The following FBXW7 variants were observed in gnomAD, a reference collection of about 807,000 sequenced individuals.
The protein encoded by FBXW7 is F-box and WD repeat domain containing 7.
A neutral mutation model predicts 86.3 loss-of-function variants in FBXW7; 11 were observed. That is an observed-to-expected ratio of 0.13 (90% CI 0.08 to 0.21). The LOEUF (loss-of-function observed/expected upper bound fraction) is 0.21, where lower values mean the gene tolerates loss of function less well. FBXW7 is among the 10% of genes least tolerant of loss of function. The pLI, the probability that FBXW7 is intolerant of heterozygous loss-of-function variation, is 1.00. For synonymous variants in FBXW7, 313 were observed against 297.9 expected (o/e 1.05, Z -0.52); for missense variants, 488 against 847.4 (o/e 0.58, Z 5.27).
intron 7 of FBXW7, 37 bp downstream of exon 7, chr4:152,337,765 A>G (rs1270004269): frequency 2.5e-6 from 4 of 1,582,650 alleles, no homozygotes; most frequent in Non-Finnish European, 3.4e-6. Context: ...ATATATTCAA[A>G]TAACACCCAA....
chr4:152,373,766 TG>T (rs1231753623), intron 4 of FBXW7, among the ~76,000 whole-genome samples: 1 of 152,082 alleles, frequency 6.6e-6, no homozygotes, highest in Admixed American at 6.6e-5. Context: ...GTTATTATTT[TG>T]TACTATAATG....
At chr4:152,328,750 T>C (rs1156472958) in intron 10 of FBXW7, 1 of 159,428 alleles carries the variant, frequency 6.3e-6, no homozygotes, top group African/African-American at 2.4e-5. Context: ...GGGAATAGAT[T>C]CAATGAAAGT....
intron 8 of FBXW7, 108 bp downstream of exon 8, chr4:152,332,488 G>A (rs1348934503): frequency 8.8e-7 from 1 of 1,142,376 alleles, no homozygotes; most frequent in African/African-American, 1.6e-5. Flanking sequence ...ATAATCTGTG[G>A]ATTTTATCAT....
At chr4:152,324,573 T>G (rs942769317) in intron 12 of FBXW7, 179 bp from the exon 13 acceptor site, 2 of 576,424 alleles carry the variant, frequency 3.5e-6, no homozygotes, top group Non-Finnish European at 6.2e-6. Flanking sequence ...AACTCTACAA[T>G]GTATGTTCTC....
chr4:152,332,760 A>C, intron 7 of FBXW7, 41 bp from the exon 8 acceptor site: 1 of 929,392 alleles, frequency 1.1e-6, no homozygotes, highest in Non-Finnish European at 1.4e-6. Context: ...TATTTAAATA[A>C]ATATATATAT....
At position 152,535,666 on chromosome 4, in the gene FBXW7, C is replaced by T; in HGVS notation, c.-752G>A. The T allele has an allele frequency of 2.5e-6, 1 of 396,506 alleles. No homozygotes were observed. The highest frequency in any genetic ancestry group is 1.3e-4 in the South Asian group (1 of 7,890). 24.6% of individuals were successfully genotyped at this position (396,506 alleles called of 1,614,324 possible). A position where few individuals can be genotyped will look rare whatever the true frequency, so the allele number is the denominator to read the frequency against. On this transcript the variant is annotated 5_prime_UTR_variant, in exon 1 of 14. Coordinates refer to ENST00000281708, the MANE Select transcript of FBXW7 (RefSeq NM_001349798.2). Reference sequence around the variant, plus strand: ...GCATGTGTCGCTGCGGCTGGGACCCCCCTCCCTACACCTTGGGGGTCTCGC... The same window carrying T: ...GCATGTGTCGCTGCGGCTGGGACCCTCCTCCCTACACCTTGGGGGTCTCGC...
Position 152,511,551 on chromosome 4 carries a change from T to C in FBXW7, c.-120+23390A>G, listed in dbSNP as rs148186053. 1.3e-3 allele frequency among the ~76,000 whole-genome samples: 205 copies of C among 152,320 alleles called. 1 individual carries two copies. The highest frequency in any genetic ancestry group is 4.6e-3 in the African/African-American group (193 of 41,568). On this transcript the variant is annotated intron_variant, in intron 2 of 13. Coordinates refer to ENST00000281708, the MANE Select transcript of FBXW7 (RefSeq NM_001349798.2). Reference sequence around the variant, plus strand: ...TATCCTGCAGAAATATTGGCATACATATGAAATGATACATGTACAAACTTA... The same window carrying C: ...TATCCTGCAGAAATATTGGCATACACATGAAATGATACATGTACAAACTTA...
At chr4:152,457,505 G>A (rs977572186) in intron 2 of FBXW7, among the ~76,000 whole-genome samples, 15 of 152,102 alleles carry the variant, frequency 9.9e-5, no homozygotes, top group African/African-American at 1.9e-4. Context: ...TTAGCTGGGC[G>A]TGGTGGCAGG....
chr4:152,330,950 A>G, intron 8 of FBXW7, 82 bp from the exon 9 acceptor site: 1 of 1,391,868 alleles, frequency 7.2e-7, no homozygotes, highest in Non-Finnish European at 9.8e-7. Flanking sequence ...ATCTTTATAA[A>G]GAGTATTCCA....
chr4:152,533,744 T>C (rs1750217419), intron 2 of FBXW7, among the ~76,000 whole-genome samples: 3 of 152,210 alleles, frequency 2.0e-5, no homozygotes, highest in African/African-American at 4.8e-5. Flanking sequence ...AAATGAACTG[T>C]CACATAATAC....
chr4:152,435,493 C>A (rs2126963867), intron 2 of FBXW7, among the ~76,000 whole-genome samples: 1 of 152,260 alleles, frequency 6.6e-6, no homozygotes, highest in Non-Finnish European at 1.5e-5. Context: ...TCACTTTCAA[C>A]CTTTCTCAAT....
intron 13 of FBXW7, chr4:152,323,483 A>T: frequency 3.1e-6 from 1 of 318,404 alleles, no homozygotes; most frequent in East Asian, 6.9e-5. Context: ...CTGCTGATGG[A>T]CAAATGAGCA....
intron 7 of FBXW7, among the ~76,000 whole-genome samples, chr4:152,335,656 C>T (rs1416717404): frequency 6.6e-6 from 1 of 152,186 alleles, no homozygotes; most frequent in African/African-American, 2.4e-5. Context: ...CCTTGTCCAA[C>T]TCTGTAAGAA....
At chr4:152,349,706 G>A (rs1731618124) in intron 5 of FBXW7, among the ~76,000 whole-genome samples, 2 of 151,706 alleles carry the variant, frequency 1.3e-5, no homozygotes, top group Non-Finnish European at 3.0e-5. Flanking sequence ...GTCTACCCTA[G>A]AACAGCTGTT....
intron 2 of FBXW7, 133 bp downstream of exon 2, chr4:152,534,808 C>T (rs1750352356): frequency 6.6e-6 from 1 of 152,302 alleles, no homozygotes; most frequent in South Asian, 2.1e-4. Context: ...ACCTTCCCCC[C>T]TCCGTGAATA....
intron 2 of FBXW7, among the ~76,000 whole-genome samples, chr4:152,419,499 ACAC>A (rs1560874969): frequency 5.4e-5 from 8 of 147,924 alleles, no homozygotes; most frequent in South Asian, 4.3e-4. Context: ...AGGTAAACAC[ACAC>A]ACACACACAC....
intron 2 of FBXW7, among the ~76,000 whole-genome samples, chr4:152,432,224 C>A (rs566366405): frequency 3.9e-5 from 6 of 152,098 alleles, no homozygotes; most frequent in Non-Finnish European, 8.8e-5. Context: ...TGTCACCTTG[C>A]CTGTTGAAAT....
In FBXW7 at chr4:152,404,851, G is replaced by A. The variant is rs1247178382; in HGVS notation, c.501+6452C>T. On this transcript the variant is annotated intron_variant, in intron 4 of 13. Coordinates refer to ENST00000281708, the MANE Select transcript of FBXW7 (RefSeq NM_001349798.2). ...CTCATACCTGTAATCCCAGCACTTT[G>A]GGAGGCCCAGGCAGGAAGATCACCA... 2.6e-5 allele frequency among the ~76,000 whole-genome samples: 4 copies of A among 152,198 alleles called. No homozygotes were observed. The East Asian group carries it at 7.7e-4, about 29-fold the overall frequency.
chr4:152,472,769 A>T (rs1251837010), intron 2 of FBXW7, among the ~76,000 whole-genome samples: 1 of 152,164 alleles, frequency 6.6e-6, no homozygotes, highest in South Asian at 2.1e-4. Context: ...GTGTATGTAA[A>T]TTATACAATT....
Sources: allele counts gnomAD v4.1 joint callset (sites outside exome capture counted in the v4.1 genomes callset), GRCh38; gene constraint gnomAD v4.1.1; transcripts MANE v1.5; gene names NCBI Gene and HGNC (gene_info 2026-07-23, HGNC 2026-07-21).